CHSY3: variants seen among roughly 807,000 people sequenced by gnomAD.
CHSY3 encodes chondroitin sulfate synthase 3, also known as N-acetylgalactosaminyl-proteoglycan 3-beta-glucuronosyltransferase 3.
Under a neutral mutation model 67.2 loss-of-function variants are expected in CHSY3, and 35 were observed. The observed-to-expected ratio is 0.52, with a 90% confidence interval of 0.40 to 0.69. CHSY3 has a LOEUF of 0.69. Among genes scored for constraint, CHSY3 ranks in the 30% least tolerant of loss-of-function variants. The pLI is 0.00. For synonymous variants in CHSY3, 474 were observed against 434.7 expected (o/e 1.09, Z -1.12); for missense variants, 1,069 against 1,138.5 (o/e 0.94, Z 0.88).
chr5:129,980,569 T>C (rs2149621850), intron 2 of CHSY3, among the ~76,000 whole-genome samples: 1 of 152,336 alleles, frequency 6.6e-6, no homozygotes, highest in East Asian at 1.9e-4. Flanking sequence ...ATGTGACTTG[T>C]CATCTCATTT....
rs530655664 is a variant in CHSY3 at position 130,046,593 on chromosome 5, A to G, written c.1087-137636A>G. 2.0e-5 allele frequency among the ~76,000 whole-genome samples: 3 copies of G among 152,218 alleles called. No individual in the cohort carries two copies. In the East Asian group the frequency reaches 5.8e-4, roughly 29 times the overall value. On this transcript the variant is annotated intron_variant, in intron 2 of 2. Coordinates refer to ENST00000305031, the MANE Select transcript of CHSY3 (RefSeq NM_175856.5). Reference sequence around the variant, plus strand: ...AAATATCACATACTTGCTGACTTGAATGAGCTGACGATCTTGTAAAACATA... The same window carrying G: ...AAATATCACATACTTGCTGACTTGAGTGAGCTGACGATCTTGTAAAACATA...
chr5:130,057,194 G>A (rs1765562934), intron 2 of CHSY3, among the ~76,000 whole-genome samples: 1 of 151,654 alleles, frequency 6.6e-6, no homozygotes. Flanking sequence ...AAAGTGCTGG[G>A]ATTACAGGCG....
Position 129,953,751 on chromosome 5 carries a change from A to G in CHSY3, c.1086+45391A>G, listed in dbSNP as rs562478287. 7.2e-5 allele frequency among the ~76,000 whole-genome samples: 11 copies of G among 151,826 alleles called. No homozygotes were observed. The East Asian group carries it at 2.1e-3, about 29-fold the overall frequency. On this transcript the variant is annotated intron_variant, in intron 2 of 2. Transcript: ENST00000305031. ...ACCAGTGATGATGAGCTTTTTTTGTATGTTTGTTGGCCGCATAAGTGTCTT... is the reference window on the plus strand; with the variant it reads ...ACCAGTGATGATGAGCTTTTTTTGTGTGTTTGTTGGCCGCATAAGTGTCTT...
chr5:130,003,214 G>A lies in CHSY3; in HGVS notation c.1086+94854G>A, dbSNP rs973647351. On this transcript the variant is annotated intron_variant, in intron 2 of 2. Transcript: ENST00000305031. ...CCATGATACCATAATGTGGTAGGAAGCATTATTATTCAGGTAATGAGTTTT... is the reference window on the plus strand; with the variant it reads ...CCATGATACCATAATGTGGTAGGAAACATTATTATTCAGGTAATGAGTTTT... Among the ~76,000 whole-genome samples, 9 of 152,180 alleles carry A rather than the reference G, an allele frequency of 5.9e-5. 1 individual carries two copies. The highest frequency in any genetic ancestry group is 2.2e-4 in the African/African-American group (9 of 41,446).
chr5:130,098,621 T>C (rs1454882117), intron 2 of CHSY3, among the ~76,000 whole-genome samples: 2 of 152,196 alleles, frequency 1.3e-5, no homozygotes, highest in African/African-American at 4.8e-5. Flanking sequence ...TTTAAGCAAA[T>C]TACTCACTAC....
intron 2 of CHSY3, among the ~76,000 whole-genome samples, chr5:130,150,806 A>G (rs1389565865): frequency 6.6e-6 from 1 of 152,096 alleles, no homozygotes; most frequent in African/African-American, 2.4e-5. Flanking sequence ...TCTTTTCTGA[A>G]TCTCTATGAA....
rs138734836 is a variant in CHSY3, at chr5:129,918,257, TA to T, written c.1086+9899del. Among the ~76,000 whole-genome samples, 1,014 of 152,296 alleles carry T rather than the reference TA, an allele frequency of 6.7e-3. 15 individuals carry two copies. Among genetic ancestry groups the T allele is most frequent in the African/African-American group, 0.024 (983 of 41,546 alleles). On this transcript the variant is annotated intron_variant, in intron 2 of 2. Transcript: ENST00000305031. ...AGATATGTTTTCACTGTACAAGGCT[TA>T]AGGTTTATAGTTGTGTTTATTTATT...
chr5:129,974,585 A>G (rs1056973282), intron 2 of CHSY3, among the ~76,000 whole-genome samples: 3 of 152,162 alleles, frequency 2.0e-5, no homozygotes, highest in Non-Finnish European at 1.5e-5. Flanking sequence ...AAGGCTGTCA[A>G]GTGTGGTTGG....
chr5:130,175,288 A>T (rs928267225), intron 2 of CHSY3, among the ~76,000 whole-genome samples: 1 of 152,164 alleles, frequency 6.6e-6, no homozygotes, highest in Non-Finnish European at 1.5e-5. Flanking sequence ...ACCTAGGAAT[A>T]CAACTTACAA....
At chr5:129,991,027 C>A (rs1763347996) in intron 2 of CHSY3, among the ~76,000 whole-genome samples, 1 of 152,128 alleles carries the variant, frequency 6.6e-6, no homozygotes, top group South Asian at 2.1e-4. Context: ...ACAAATAGAG[C>A]ACCAAGGTGA....
intron 2 of CHSY3, among the ~76,000 whole-genome samples, chr5:130,134,208 A>C (rs1768584101): frequency 6.6e-6 from 1 of 152,184 alleles, no homozygotes; most frequent in African/African-American, 2.4e-5. Context: ...CCATGCTTCT[A>C]ATCTTCAAGT....
intron 2 of CHSY3, among the ~76,000 whole-genome samples, chr5:130,015,483 A>G (rs75869078): frequency 0.016 from 2,434 of 152,302 alleles, 52 homozygotes; most frequent in African/African-American, 0.054. Flanking sequence ...CATATGAAAA[A>G]AAATGTTCAG....
intron 2 of CHSY3, among the ~76,000 whole-genome samples, chr5:129,918,139 CTA>C (rs1491217629): frequency 6.6e-5 from 10 of 152,132 alleles, no homozygotes; most frequent in South Asian, 2.1e-4. Context: ...ACTGACAACT[CTA>C]TGTTTTCTCA....
At chr5:129,966,929 A>G (rs1308376392) in intron 2 of CHSY3, among the ~76,000 whole-genome samples, 1 of 151,872 alleles carries the variant, frequency 6.6e-6, no homozygotes, top group Non-Finnish European at 1.5e-5. Context: ...ACTTAAGGTC[A>G]AAGTACTCCT....
chr5:130,050,581 A>G (rs1046139653), intron 2 of CHSY3, among the ~76,000 whole-genome samples: 1 of 152,124 alleles, frequency 6.6e-6, no homozygotes, highest in Non-Finnish European at 1.5e-5. Context: ...TTTAGTAAGC[A>G]CTCATTTAGG....
chr5:130,119,132 T>C (rs1767921551), intron 2 of CHSY3, among the ~76,000 whole-genome samples: 1 of 152,078 alleles, frequency 6.6e-6, no homozygotes, highest in Non-Finnish European at 1.5e-5. Context: ...AACCCTCTCA[T>C]TGTACAGGTA....
At chr5:129,930,758 A>T (rs939598393) in intron 2 of CHSY3, among the ~76,000 whole-genome samples, 1 of 152,134 alleles carries the variant, frequency 6.6e-6, no homozygotes, top group African/African-American at 2.4e-5. Context: ...AGCCATGGGA[A>T]GACTACAGAT....
Position 130,143,814 on chromosome 5 carries a change from A to G in CHSY3, c.1087-40415A>G, listed in dbSNP as rs1259232104. ...TATATATATATATATATGTGTGTAT[A>G]TATATATATATATATATATATATAT... On this transcript the variant is annotated intron_variant, in intron 2 of 2. Coordinates refer to ENST00000305031, the MANE Select transcript of CHSY3 (RefSeq NM_175856.5). Among the ~76,000 whole-genome samples the G allele has an allele frequency of 4.6e-3, 400 of 86,452 alleles. 14 individuals are homozygous for G. The highest frequency in any genetic ancestry group is 0.014 in the African/African-American group (275 of 19,914). 56.7% of individuals were successfully genotyped at this position (86,452 alleles called of 152,430 possible).
intron 2 of CHSY3, among the ~76,000 whole-genome samples, chr5:130,160,919 T>TTTTTG (rs1769521154): frequency 6.9e-6 from 1 of 145,284 alleles, no homozygotes; most frequent in Admixed American, 6.9e-5. Flanking sequence ...ATTTTTTTTT[T>TTTTTG]TTTGAGACGG....
Sources: gnomAD v4.1 joint callset for allele counts (sites outside exome capture counted in the v4.1 genomes callset) on GRCh38, gnomAD v4.1.1 for gene constraint, MANE v1.5 for transcripts, NCBI Gene and HGNC (gene_info 2026-07-23, HGNC 2026-07-21) for gene names.